The following PRR12 variants were observed in gnomAD, a reference collection of about 807,000 sequenced individuals.
The protein encoded by PRR12 is proline rich 12, also known as proline-rich protein 12.
PRR12 carries 12 observed loss-of-function variants against 138.0 expected under a neutral mutation model. The observed-to-expected ratio is 0.09, with a 90% CI of 0.06 to 0.14. The LOEUF is 0.14. Among genes scored for constraint, PRR12 ranks in the 10% least tolerant of loss-of-function variants. The probability of loss-of-function intolerance (pLI) is 1.00; values close to 1 mark genes in which losing one functional copy is unlikely to be tolerated. For missense variants in PRR12, 2,692 were observed against 2,861.3 expected, an observed-to-expected ratio of 0.94 and a Z score of 1.35; for synonymous variants, 1,567 against 1,291.7, an observed-to-expected ratio of 1.21 and a Z score of -4.57.
intron 6 of PRR12, among the ~76,000 whole-genome samples, chr19:49,605,149 C>A (rs2080832037): frequency 1.3e-5 from 2 of 151,846 alleles, no homozygotes; most frequent in South Asian, 2.1e-4. Context: ...CTGTGCCTGG[C>A]CTATTCTCAT....
In PRR12 at chr19:49,596,800, A is replaced by G. The variant is rs766822924; in HGVS notation, c.2465A>G (p.His822Arg). ...PSPSASKVGV[H>R]LLEPATRDGA... The stretch of plus-strand genomic sequence containing the variant: ...CCCAGCGCCTCCAAAGTCGGCGTCC[A>G]CCTCCTTGAGCCAGCCACCCGCGAT... Residue 822 changes from histidine to arginine, a missense_variant, in exon 4 of 14, where the codon CAC becomes CGC. By Grantham distance (29) the His-to-Arg change is conservative. Around this residue, in one of 11 missense-constraint regions of PRR12, gnomAD observed 840 missense variants for 689.8 expected, o/e 1.22. Coordinates refer to ENST00000418929, the MANE Select transcript of PRR12 (RefSeq NM_020719.3). The surrounding 1 kb of genome is among the most constrained non-coding windows in gnomAD (Gnocchi z 5.6). 1.3e-6 allele frequency: 2 copies of G among 1,594,392 alleles called. No homozygotes were observed. Among genetic ancestry groups the G allele is most frequent in the Non-Finnish European group, 8.5e-7 (1 of 1,177,644 alleles).
At chr19:49,600,520 C>T (rs1401383027) in intron 5 of PRR12, among the ~76,000 whole-genome samples, 1 of 150,400 alleles carries the variant, frequency 6.6e-6, no homozygotes, top group Non-Finnish European at 1.5e-5. Flanking sequence ...GCATGGTGGA[C>T]CACACCTGTA....
At chr19:49,602,551 G>C (rs569816181) in intron 6 of PRR12, among the ~76,000 whole-genome samples, 3 of 152,150 alleles carry the variant, frequency 2.0e-5, no homozygotes, top group African/African-American at 7.2e-5. Context: ...TGTGTGTCAG[G>C]CCATATCTTT....
chr19:49,593,675 C>G (rs961306836), intron 2 of PRR12, among the ~76,000 whole-genome samples: 1 of 152,118 alleles, frequency 6.6e-6, no homozygotes, highest in Non-Finnish European at 1.5e-5. Flanking sequence ...GCCCTGTTAC[C>G]ATCAGCCCCC....
chr19:49,597,204 G>C lies in PRR12; in HGVS notation c.2869G>C (p.Gly957Arg). The C allele has an allele frequency of 6.4e-7, 1 of 1,563,062 alleles. No homozygotes were observed. The highest frequency in any genetic ancestry group is 8.7e-7 in the Non-Finnish European group (1 of 1,153,940). ...FPTMEEMFGG[G>R]AADDYGKAGP... ...CACCATGGAGGAGATGTTCGGTGGA[G>C]GGGCCGCGGACGACTACGGCAAGGC... Residue 957 changes from glycine (G) to arginine (R), a missense_variant, in exon 4 of 14, where the codon GGG (glycine) becomes CGG (arginine). By Grantham distance (125) the Gly-to-Arg change is moderately radical. Coordinates refer to ENST00000418929, the MANE Select transcript of PRR12 (RefSeq NM_020719.3). The surrounding 1 kb of genome is among the most constrained non-coding windows in gnomAD (Gnocchi z 6.3).
intron 6 of PRR12, among the ~76,000 whole-genome samples, chr19:49,609,636 A>T (rs1191554690): frequency 6.8e-6 from 1 of 148,002 alleles, no homozygotes; most frequent in Non-Finnish European, 1.5e-5. Flanking sequence ...GATGGAGAAG[A>T]GTATGGTGTT....
intron 6 of PRR12, among the ~76,000 whole-genome samples, chr19:49,606,977 T>C (rs1326748054): frequency 1.3e-5 from 2 of 152,154 alleles, no homozygotes; most frequent in East Asian, 1.9e-4. Flanking sequence ...TTAAATGTTT[T>C]CATTCCTGGT....
Position 49,596,906 on chromosome 19 carries a change from T to C in PRR12, c.2571T>C (p.His857=), listed in dbSNP as rs1423286785. ...PLQLEAHLRS[H]GLEPAAPSPR... The stretch of plus-strand genomic sequence containing the variant: ...AGCTCGAGGCCCACCTCCGCAGCCA[T>C]GGCCTGGAGCCCGCGGCCCCCAGCC... Residue 857 remains histidine (H), a synonymous_variant, in exon 4 of 14, where the codon CAT becomes CAC. Transcript: ENST00000418929. This position sits in a 1 kb window ranked among gnomAD's most constrained non-coding sequence, Gnocchi z 5.6. 1 of 1,302,748 alleles carries C rather than the reference T, an allele frequency of 7.7e-7. No individual in the cohort carries two copies. The highest frequency in any genetic ancestry group is 2.3e-4 in the Middle Eastern group (1 of 4,282). 80.7% of individuals were successfully genotyped at this position (1,302,748 alleles called of 1,614,324 possible).
chr19:49,612,805 C>T (rs764859041), intron 6 of PRR12, among the ~76,000 whole-genome samples: 6 of 151,976 alleles, frequency 3.9e-5, no homozygotes, highest in African/African-American at 4.8e-5. Context: ...GCTGGGAGTA[C>T]AGGCACGCAC....
chr19:49,597,016 C>G lies in PRR12; in HGVS notation c.2681C>G (p.Pro894Arg), dbSNP rs568149580. Reference protein sequence around the residue: ...LGALEPLPPAPGDTGVGPPNS... With the variant: ...LGALEPLPPARGDTGVGPPNS... The stretch of plus-strand genomic sequence containing the variant: ...GCTCTGGAGCCGCTGCCCCCGGCGC[C>G]TGGGGATACTGGCGTAGGCCCACCA... The change falls in exon 4 of 14, where the codon CCT (proline) becomes CGT (arginine). Residue 894 changes from proline to arginine, a missense_variant. By Grantham distance (103) the Pro-to-Arg change is moderately radical (BLOSUM62 -2). Around this residue, in one of 11 missense-constraint regions of PRR12, gnomAD observed 840 missense variants for 689.8 expected, o/e 1.22. Transcript: ENST00000418929. This position sits in a 1 kb window ranked among gnomAD's most constrained non-coding sequence, Gnocchi z 6.3. 2 of 1,557,372 alleles carry G rather than the reference C, an allele frequency of 1.3e-6. No homozygotes were observed. The highest frequency in any genetic ancestry group is 2.4e-5 in the South Asian group (2 of 84,574).
At chr19:49,615,674 T>C in intron 8 of PRR12, 73 bp from the exon 9 acceptor site, 1 of 1,296,696 alleles carries the variant, frequency 7.7e-7, no homozygotes, top group South Asian at 1.3e-5. Context: ...CCTAGGGCAC[T>C]GAGCAGGGAC....
chr19:49,596,426 G>T lies in PRR12; in HGVS notation c.2091G>T (p.Arg697Ser). Reference protein sequence around the residue: ...PYELAKEDPQRYHLQSVIRTS... With the variant: ...PYELAKEDPQSYHLQSVIRTS... ...AGTTGGCCAAGGAAGACCCCCAGAG[G>T]TACCACCTGCAGAGTGTCATCCGCA... Residue 697 changes from arginine to serine, a missense_variant, in exon 4 of 14, where the codon AGG becomes AGT. Arg to Ser is a moderately radical substitution (Grantham distance 110). Transcript: ENST00000418929. The surrounding 1 kb of genome is among the most constrained non-coding windows in gnomAD (Gnocchi z 5.6). The T allele has an allele frequency of 6.2e-7, 1 of 1,610,244 alleles. No individual in the cohort carries two copies. Among genetic ancestry groups the T allele is most frequent in the Non-Finnish European group, 8.5e-7 (1 of 1,179,486 alleles).
intron 6 of PRR12, among the ~76,000 whole-genome samples, chr19:49,604,382 A>G (rs1224367184): frequency 1.3e-5 from 2 of 150,742 alleles, no homozygotes; most frequent in Non-Finnish European, 2.9e-5. Context: ...AAAAAAAAGG[A>G]TATTGACATC....
chr19:49,598,246 T>A (rs374466221), intron 4 of PRR12, among the ~76,000 whole-genome samples: 3 of 151,884 alleles, frequency 2.0e-5, no homozygotes, highest in East Asian at 3.9e-4. Context: ...GCTAGTTTTT[T>A]TGTATTTTTA....
In PRR12 at chr19:49,591,633, C is replaced by T; in HGVS notation, c.-22C>T. 1 of 1,290,910 alleles carries T rather than the reference C, an allele frequency of 7.7e-7. No homozygotes were observed. The highest frequency in any genetic ancestry group is 3.4e-5 in the East Asian group (1 of 29,764). The allele number at this position is 1,290,910 out of a possible 1,614,324, so 80.0% of individuals were successfully genotyped here. A position where few individuals can be genotyped will look rare whatever the true frequency, so the allele number is the denominator to read the frequency against. ...CTCCCTCCCTCCCTCCCCCTCCCCC[C>T]AATTTCCACCGCGGCCAATTCATGG... is the stretch of plus-strand genomic sequence containing the variant. On this transcript the variant is annotated 5_prime_UTR_variant, in exon 1 of 14. Coordinates refer to ENST00000418929, the MANE Select transcript of PRR12 (RefSeq NM_020719.3).
intron 11 of PRR12, among the ~76,000 whole-genome samples, chr19:49,622,291 C>A (rs936662802): frequency 6.6e-6 from 1 of 152,012 alleles, no homozygotes; most frequent in Non-Finnish European, 1.5e-5. Context: ...TTAGAAAATA[C>A]GCAGGAAGGC....
chr19:49,597,433 G>A lies in PRR12; in HGVS notation c.3098G>A (p.Gly1033Asp). 6.5e-7 allele frequency: 1 copy of A among 1,538,046 alleles called. No homozygotes were observed. Among genetic ancestry groups the A allele is most frequent in the South Asian group, 1.2e-5 (1 of 83,978 alleles). ...NAEPLGLIQS[G>D]PHQAAPPPPP... Reference sequence around the variant, plus strand: ...GAGCCGCTGGGCCTGATCCAGAGTGGCCCCCACCAGGCGGCGCCACCACCC... The same window carrying A: ...GAGCCGCTGGGCCTGATCCAGAGTGACCCCCACCAGGCGGCGCCACCACCC... Residue 1033 changes from glycine (G) to aspartate (D), a missense_variant, in exon 4 of 14, where the codon GGC (glycine) becomes GAC (aspartate). By Grantham distance (94) the Gly-to-Asp change is moderately conservative (BLOSUM62 -1). Transcript: ENST00000418929. This position sits in a 1 kb window ranked among gnomAD's most constrained non-coding sequence, Gnocchi z 6.3.
At chr19:49,609,482 T>A (rs1254556346) in intron 6 of PRR12, among the ~76,000 whole-genome samples, 3 of 151,292 alleles carry the variant, frequency 2.0e-5, no homozygotes, top group Non-Finnish European at 2.9e-5. Context: ...GTCCCTGTAA[T>A]CCCAGCTACT....
At position 49,597,288 on chromosome 19, in the gene PRR12, C is replaced by G. The variant is rs1209769201; in HGVS notation, c.2953C>G (p.Pro985Ala). ...TGGCGCTGGGCCACCCCCCGGCCCC[C>G]CTGCTTATGATCCCTATGGGCCCTA... ...KAGAGPPPGP[P>A]AYDPYGPYCP... Residue 985 changes from proline to alanine, a missense_variant, in exon 4 of 14, where the codon CCT (proline) becomes GCT (alanine). Coordinates refer to ENST00000418929, the MANE Select transcript of PRR12 (RefSeq NM_020719.3). This position sits in a 1 kb window ranked among gnomAD's most constrained non-coding sequence, Gnocchi z 6.3. 1.3e-6 allele frequency: 2 copies of G among 1,562,032 alleles called. No individual in the cohort carries two copies. The highest frequency in any genetic ancestry group is 3.7e-5 in the Admixed American group (2 of 53,542).
Sources: allele counts gnomAD v4.1 joint callset (sites outside exome capture counted in the v4.1 genomes callset), GRCh38; gene constraint gnomAD v4.1.1; regional missense constraint gnomAD v4.1.1; non-coding constraint Gnocchi (gnomAD v3.1); transcripts MANE v1.5; gene names NCBI Gene and HGNC (gene_info 2026-07-23, HGNC 2026-07-21).